EPHA6: variants seen among roughly 807,000 people sequenced by gnomAD.
EPHA6 encodes ephrin type-A receptor 6.
A neutral mutation model predicts 112.0 loss-of-function variants in EPHA6; 50 were observed. That is an observed-to-expected ratio of 0.45 (90% CI 0.36 to 0.56). The LOEUF (loss-of-function observed/expected upper bound fraction) is 0.56, where lower values mean the gene tolerates loss of function less well. Ranked by LOEUF, EPHA6 falls within the 20% of genes least tolerant of loss-of-function variation. The pLI is 0.00. For synonymous variants in EPHA6, 529 were observed against 490.7 expected, an observed-to-expected ratio of 1.08 and a Z score of -1.03; for missense variants, 1,280 against 1,417.4, an observed-to-expected ratio of 0.90 and a Z score of 1.56.
At chr3:96,987,219 T>C (rs766914482) in intron 2 of EPHA6, 111 bp from the exon 3 acceptor site, 41 of 907,068 alleles carry the variant, frequency 4.5e-5, no homozygotes, top group Non-Finnish European at 4.0e-5. Context: ...GCTTCATTTG[T>C]ATCCTTTTAA....
chr3:97,400,900 C>T (rs1348790377), intron 5 of EPHA6, among the ~76,000 whole-genome samples: 1 of 151,572 alleles, frequency 6.6e-6, no homozygotes, highest in African/African-American at 2.4e-5. Flanking sequence ...ATTTGGATAC[C>T]TTCTCTTTCT....
chr3:97,483,130 G>T (rs941041204), intron 9 of EPHA6, among the ~76,000 whole-genome samples: 1 of 152,128 alleles, frequency 6.6e-6, no homozygotes, highest in African/African-American at 2.4e-5. Flanking sequence ...AAAACAGAGG[G>T]ATATTCATGG....
chr3:97,598,318 G>T (rs1207340769), intron 12 of EPHA6, among the ~76,000 whole-genome samples: 1 of 151,008 alleles, frequency 6.6e-6, no homozygotes, highest in African/African-American at 2.4e-5. Flanking sequence ...ACATTGTGCA[G>T]GTTAATTACA....
intron 5 of EPHA6, among the ~76,000 whole-genome samples, chr3:97,261,491 A>G (rs2079501357): frequency 6.6e-6 from 1 of 152,194 alleles, no homozygotes; most frequent in Admixed American, 6.5e-5. Context: ...ATGTGACCTT[A>G]AAAACCTGGA....
At chr3:97,295,093 GT>G (rs2080828912) in intron 5 of EPHA6, among the ~76,000 whole-genome samples, 1 of 152,042 alleles carries the variant, frequency 6.6e-6, no homozygotes, top group Non-Finnish European at 1.5e-5. Context: ...GGATCTCTGA[GT>G]TTCTATATCT....
chr3:97,203,556 A>C (rs1195446353), intron 3 of EPHA6, among the ~76,000 whole-genome samples: 1 of 152,104 alleles, frequency 6.6e-6, no homozygotes, highest in Non-Finnish European at 1.5e-5. Context: ...AAGGAGAAGA[A>C]AAGACATGGG....
At chr3:97,355,238 G>A (rs151210170) in intron 5 of EPHA6, among the ~76,000 whole-genome samples, 78 of 152,222 alleles carry the variant, frequency 5.1e-4, no homozygotes, top group African/African-American at 1.8e-3. Context: ...TAACTGTGGT[G>A]TGTAAACTAC....
intron 5 of EPHA6, among the ~76,000 whole-genome samples, chr3:97,361,325 G>C (rs2084361284): frequency 6.6e-6 from 1 of 152,120 alleles, no homozygotes; most frequent in Non-Finnish European, 1.5e-5. Context: ...TTGCAAAAAT[G>C]ATCAAGTGAT....
At chr3:96,843,886 A>G (rs1349899970) in intron 1 of EPHA6, among the ~76,000 whole-genome samples, 1 of 152,044 alleles carries the variant, frequency 6.6e-6, no homozygotes, top group African/African-American at 2.4e-5. Flanking sequence ...ACTTTTTATT[A>G]TTTGAAAAAA....
At chr3:96,917,416 CT>C (rs2039538296) in intron 2 of EPHA6, among the ~76,000 whole-genome samples, 1 of 97,476 alleles carries the variant, frequency 1.0e-5, no homozygotes, top group African/African-American at 5.0e-5. Context: ...AAGACTCCAT[CT>C]CAAAAAAAAA....
At chr3:97,542,965 G>T (rs1232794516) in intron 11 of EPHA6, among the ~76,000 whole-genome samples, 3 of 152,072 alleles carry the variant, frequency 2.0e-5, no homozygotes, top group Non-Finnish European at 2.9e-5. Context: ...TTGTAAATTT[G>T]TTTGAGTTCA....
intron 5 of EPHA6, among the ~76,000 whole-genome samples, chr3:97,244,877 A>C (rs1419194121): frequency 6.6e-6 from 1 of 151,976 alleles, no homozygotes; most frequent in African/African-American, 2.4e-5. Context: ...AACATCATAG[A>C]TTTTTACTAT....
intron 13 of EPHA6, among the ~76,000 whole-genome samples, chr3:97,612,811 T>A (rs2093731519): frequency 6.6e-6 from 1 of 152,038 alleles, no homozygotes; most frequent in Non-Finnish European, 1.5e-5. Flanking sequence ...TGTACCTCTG[T>A]TTACTCATCC....
intron 2 of EPHA6, among the ~76,000 whole-genome samples, chr3:96,965,262 A>G (rs1054113946): frequency 5.9e-5 from 9 of 152,112 alleles, no homozygotes; most frequent in Admixed American, 5.2e-4. Context: ...ATATAGAAGT[A>G]AGGTGTTTTT....
At chr3:97,313,937 T>G (rs764634003) in intron 5 of EPHA6, among the ~76,000 whole-genome samples, 3 of 151,698 alleles carry the variant, frequency 2.0e-5, no homozygotes, top group Non-Finnish European at 4.4e-5. Flanking sequence ...TTTGGAGTCC[T>G]ATTCAAGAAA....
At chr3:97,116,451 G>A (rs916857427) in intron 3 of EPHA6, among the ~76,000 whole-genome samples, 3 of 151,374 alleles carry the variant, frequency 2.0e-5, no homozygotes, top group South Asian at 2.1e-4. Context: ...GTAGATCTCC[G>A]GAACTTATTC....
At chr3:97,391,463 TAA>T (rs777722306) in intron 5 of EPHA6, among the ~76,000 whole-genome samples, 19 of 151,954 alleles carry the variant, frequency 1.3e-4, no homozygotes, top group Admixed American at 2.0e-4. Context: ...TAACTTTGGG[TAA>T]GTCTTTTCCA....
intron 3 of EPHA6, among the ~76,000 whole-genome samples, chr3:97,099,872 C>T (rs960645483): frequency 6.6e-6 from 1 of 151,976 alleles, no homozygotes; most frequent in Non-Finnish European, 1.5e-5. Context: ...GAGAAATAAA[C>T]CTGTAGTGTT....
intron 6 of EPHA6, among the ~76,000 whole-genome samples, chr3:97,410,881 G>A (rs2087667959): frequency 6.6e-6 from 1 of 151,982 alleles, no homozygotes; most frequent in Non-Finnish European, 1.5e-5. Context: ...TACATGCTAT[G>A]TCTCTATAAC....
Sources: gnomAD v4.1 joint callset for allele counts (sites outside exome capture counted in the v4.1 genomes callset) on GRCh38, gnomAD v4.1.1 for gene constraint, MANE v1.5 for transcripts, NCBI Gene and HGNC (gene_info 2026-07-23, HGNC 2026-07-21) for gene names.